Variants in OSBPL10 observed in about 807,000 individuals in gnomAD.
OSBPL10 encodes oxysterol-binding protein-related protein 10.
OSBPL10 carries 49 observed loss-of-function variants against 81.7 expected under a neutral mutation model. That is an observed-to-expected ratio of 0.60 (90% confidence interval 0.48 to 0.76). The LOEUF is 0.76. Among genes scored for constraint, OSBPL10 ranks in the 30% least tolerant of loss-of-function variants. OSBPL10 has a pLI of 0.00. For synonymous variants in OSBPL10, 419 were observed against 383.6 expected (o/e 1.09, Z -1.08); for missense variants, 923 against 987.8 (o/e 0.93, Z 0.88).
rs1401882097 is a variant in OSBPL10, at chr3:31,968,018, CAG to C, written c.281+12879_281+12880del. Among the ~76,000 whole-genome samples the C allele has an allele frequency of 7.9e-5, 12 of 152,286 alleles. No individual in the cohort carries two copies. The East Asian group carries it at 1.5e-3, about 20-fold the overall frequency. ...ATCTTTCAATATAATTTCAAATTTA[CAG>C]AGAAGTTACACAAATAATACAAATA... On this transcript the variant is annotated intron_variant, in intron 1 of 11. Coordinates refer to ENST00000396556, the MANE Select transcript of OSBPL10 (RefSeq NM_017784.5).
intron 2 of OSBPL10, among the ~76,000 whole-genome samples, chr3:32,014,409 A>G (rs973849721): frequency 3.9e-5 from 6 of 152,230 alleles, no homozygotes; most frequent in Non-Finnish European, 8.8e-5. Flanking sequence ...TTCATGCTAA[A>G]AACTCTCAAT....
chr3:31,798,231 G>T (rs186171462), intron 4 of OSBPL10, among the ~76,000 whole-genome samples: 1 of 152,204 alleles, frequency 6.6e-6, no homozygotes, highest in African/African-American at 2.4e-5. Context: ...AGGAGTTTGA[G>T]ACCAGCTGGC....
intron 4 of OSBPL10, among the ~76,000 whole-genome samples, chr3:31,777,004 T>C (rs1341878981): frequency 2.6e-5 from 4 of 152,174 alleles, no homozygotes; most frequent in Admixed American, 2.6e-4. Context: ...ATCAAGAAAT[T>C]CTTTACCCAT....
intron 4 of OSBPL10, among the ~76,000 whole-genome samples, chr3:31,801,551 G>A (rs545450246): frequency 1.8e-4 from 27 of 152,298 alleles, no homozygotes; most frequent in Non-Finnish European, 3.5e-4. Context: ...TCCCACAGCA[G>A]GCCCAGGCCC....
chr3:31,767,716 A>T (rs1344043), intron 4 of OSBPL10, among the ~76,000 whole-genome samples: 91,399 of 152,076 alleles, frequency 0.6, 31,587 homozygotes, highest in East Asian at 0.81. Context: ...ATTAAGTGTT[A>T]AATGAACCAC....
intron 1 of OSBPL10, chr3:32,066,644 C>T (rs190178725): frequency 6.0e-4 from 92 of 152,354 alleles, no homozygotes; most frequent in African/African-American, 2.2e-3. Flanking sequence ...AGATCCATCA[C>T]CTCCTCAGTG....
chr3:31,975,077 A>G (rs574450749), intron 1 of OSBPL10, among the ~76,000 whole-genome samples: 8 of 152,186 alleles, frequency 5.3e-5, no homozygotes, highest in Non-Finnish European at 1.2e-4. Context: ...ACACTTTCAA[A>G]GGAGGGGGAG....
At chr3:31,952,862 G>A (rs1013227759) in intron 1 of OSBPL10, among the ~76,000 whole-genome samples, 5 of 151,910 alleles carry the variant, frequency 3.3e-5, no homozygotes, top group African/African-American at 9.7e-5. Flanking sequence ...TCGGGGAAGG[G>A]TCCTATATTC....
chr3:31,817,726 T>C (rs9860347), intron 4 of OSBPL10, among the ~76,000 whole-genome samples: 104,636 of 152,012 alleles, frequency 0.69, 36,591 homozygotes, highest in East Asian at 0.93. Context: ...GCGGTTTGGG[T>C]GACTGCAGCA....
chr3:31,968,323 TAAGA>T (rs1698460504), intron 1 of OSBPL10, among the ~76,000 whole-genome samples: 1 of 151,718 alleles, frequency 6.6e-6, no homozygotes, highest in Non-Finnish European at 1.5e-5. Context: ...AGTCTTAAAC[TAAGA>T]AAGGAAGCAA....
intron 6 of OSBPL10, among the ~76,000 whole-genome samples, chr3:31,727,218 G>A (rs965153894): frequency 1.3e-5 from 2 of 152,104 alleles, no homozygotes; most frequent in African/African-American, 4.8e-5. Flanking sequence ...AGGAGATAGT[G>A]TAGTATGAAG....
Position 31,812,790 on chromosome 3 carries a change from GAAAGAAAGAAAGAAA to G in OSBPL10, c.729+17235_729+17249del, listed in dbSNP as rs1699732850. Among the ~76,000 whole-genome samples the G allele has an allele frequency of 4.3e-5, 2 of 46,266 alleles. 1 individual carries two copies. The highest frequency in any genetic ancestry group is 2.1e-4 in the African/African-American group (2 of 9,560). The allele number at this position is 46,266 out of a possible 152,430, so 30.4% of individuals were successfully genotyped here. A position where few individuals can be genotyped will look rare whatever the true frequency, so the allele number is the denominator to read the frequency against. On this transcript the variant is annotated intron_variant, in intron 4 of 11. Transcript: ENST00000396556. ...AGAAAGAAAGAAAGAAAGAAAGAAA[GAAAGAAAGAAAGAAA>G]GAAAGAAAGAAAGAGAAAGAAAGAA...
chr3:31,760,859 T>G (rs1698013458), intron 4 of OSBPL10, among the ~76,000 whole-genome samples: 1 of 152,336 alleles, frequency 6.6e-6, no homozygotes, highest in Middle Eastern at 3.4e-3. Context: ...TACGATGATG[T>G]TTAACTTTTT....
intron 4 of OSBPL10, among the ~76,000 whole-genome samples, chr3:31,808,242 G>C (rs935260224): frequency 1.3e-5 from 2 of 152,188 alleles, no homozygotes; most frequent in Non-Finnish European, 2.9e-5. Flanking sequence ...GGGAAAGGGG[G>C]AGAAAGGACG....
chr3:31,937,993 T>TA (rs900162366), intron 1 of OSBPL10, among the ~76,000 whole-genome samples: 4 of 152,162 alleles, frequency 2.6e-5, no homozygotes, highest in African/African-American at 9.7e-5. Flanking sequence ...TTCTTGGTGT[T>TA]ACTGTCTTCC....
intron 4 of OSBPL10, chr3:31,795,181 G>A (rs536604663): frequency 9.5e-6 from 1 of 104,840 alleles, no homozygotes; most frequent in African/African-American, 3.7e-5. Context: ...GTCTCACTCT[G>A]TTGCCCAGGC....
chr3:31,705,896 A>G (rs1459809819), intron 6 of OSBPL10, among the ~76,000 whole-genome samples: 1 of 152,188 alleles, frequency 6.6e-6, no homozygotes, highest in Non-Finnish European at 1.5e-5. Flanking sequence ...TACTGCTGAG[A>G]GAATTTATAA....
intron 2 of OSBPL10, among the ~76,000 whole-genome samples, chr3:31,879,121 C>G (rs551680541): frequency 3.3e-5 from 5 of 152,144 alleles, no homozygotes; most frequent in Admixed American, 2.0e-4. Flanking sequence ...CAAAGATATC[C>G]ATTTTCAAGA....
chr3:31,945,571 A>G (rs1002006260), intron 1 of OSBPL10, among the ~76,000 whole-genome samples: 1 of 152,230 alleles, frequency 6.6e-6, no homozygotes, highest in East Asian at 1.9e-4. Flanking sequence ...TTCTCTTGCA[A>G]TATCCAAGGA....
Sources: gnomAD v4.1 joint callset for allele counts (sites outside exome capture counted in the v4.1 genomes callset) on GRCh38, gnomAD v4.1.1 for gene constraint, MANE v1.5 for transcripts, NCBI Gene and HGNC (gene_info 2026-07-23, HGNC 2026-07-21) for gene names.